The following EFCAB5 variants were observed in gnomAD, a reference collection of about 807,000 sequenced individuals.
EFCAB5 encodes the protein EF-hand calcium binding domain 5.
In EFCAB5, 131 loss-of-function variants were observed where a neutral mutation model predicts 167.9. The ratio of observed to expected loss-of-function variants is 0.78; its 90% confidence interval spans 0.68 to 0.90. The LOEUF is 0.90. EFCAB5 is among the 40% of genes least tolerant of loss of function. The probability of loss-of-function intolerance (pLI) is 0.00; values close to 1 mark genes in which losing one functional copy is unlikely to be tolerated. For missense variants in EFCAB5, 1,663 were observed against 1,745.2 expected (o/e 0.95, Z 0.84); for synonymous variants, 574 against 602.8 (o/e 0.95, Z 0.70).
chr17:29,962,444 A>G (rs2067738500), intron 3 of EFCAB5, among the ~76,000 whole-genome samples: 1 of 151,864 alleles, frequency 6.6e-6, no homozygotes, highest in Non-Finnish European at 1.5e-5. Flanking sequence ...AGCTGCTTTT[A>G]TAAATGGAAT....
intron 14 of EFCAB5, chr17:30,073,514 T>C: frequency 3.5e-6 from 2 of 571,748 alleles, no homozygotes; most frequent in African/African-American, 1.9e-5. Context: ...CCATCTCTCT[T>C]ATTTTTGATG....
At chr17:30,035,498 A>G (rs1293222947) in intron 8 of EFCAB5, among the ~76,000 whole-genome samples, 1 of 152,236 alleles carries the variant, frequency 6.6e-6, no homozygotes, top group African/African-American at 2.4e-5. Flanking sequence ...GACAGAAGAT[A>G]GAATAACAGG....
At chr17:29,962,924 G>A (rs144636595) in intron 3 of EFCAB5, among the ~76,000 whole-genome samples, 31 of 151,878 alleles carry the variant, frequency 2.0e-4, no homozygotes, top group Admixed American at 6.6e-4. Context: ...ACTGAGTGTC[G>A]TGTTAACTGT....
intron 14 of EFCAB5, among the ~76,000 whole-genome samples, chr17:30,077,695 G>A (rs2070896058): frequency 6.6e-6 from 1 of 152,238 alleles, no homozygotes; most frequent in Non-Finnish European, 1.5e-5. Flanking sequence ...CTTACGGGCA[G>A]ATGTGATTAG....
chr17:30,086,456 A>G (rs2071090222), intron 18 of EFCAB5, among the ~76,000 whole-genome samples: 1 of 152,120 alleles, frequency 6.6e-6, no homozygotes, highest in African/African-American at 2.4e-5. Flanking sequence ...CGAAGTGAAG[A>G]AAGTAAATTG....
chr17:30,043,040 G>A (rs2151756842), intron 8 of EFCAB5, among the ~76,000 whole-genome samples: 1 of 152,208 alleles, frequency 6.6e-6, no homozygotes, highest in Non-Finnish European at 1.5e-5. Flanking sequence ...AGCTAAGGAG[G>A]AGATTGAGGT....
intron 3 of EFCAB5, among the ~76,000 whole-genome samples, chr17:29,948,456 G>A (rs973321496): frequency 6.6e-6 from 1 of 151,828 alleles, no homozygotes; most frequent in South Asian, 2.1e-4. Context: ...AACACAATGC[G>A]GTGTACTTAT....
chr17:30,058,407 T>G (rs564564307), intron 13 of EFCAB5, among the ~76,000 whole-genome samples: 25 of 152,360 alleles, frequency 1.6e-4, no homozygotes, highest in African/African-American at 5.5e-4. Context: ...TTCACTAAGC[T>G]TATTCAGTAA....
In EFCAB5 at chr17:30,057,694, G is replaced by A; in HGVS notation, c.2384G>A (p.Arg795Lys). The change falls in exon 13 of 23, where the codon AGA becomes AAA. Residue 795 changes from arginine (R) to lysine (K), a missense_variant. Arg to Lys is a conservative substitution (Grantham distance 26). Transcript: ENST00000394835. Reference sequence around the variant, plus strand: ...TTGACAGATTTACACTCAATTATCAGAAATATTCAGTCTTGCAAGGAGGTA... The same window carrying A: ...TTGACAGATTTACACTCAATTATCAAAAATATTCAGTCTTGCAAGGAGGTA... ...SRFTDLHSII[R>K]NIQSCKEVKG... The A allele has an allele frequency of 6.2e-7, 1 of 1,613,022 alleles. No homozygotes were observed. Among genetic ancestry groups the A allele is most frequent in the Non-Finnish European group, 8.5e-7 (1 of 1,179,258 alleles).
chr17:29,971,366 A>G (rs949754747), intron 4 of EFCAB5, among the ~76,000 whole-genome samples: 2 of 152,094 alleles, frequency 1.3e-5, no homozygotes. Context: ...CAATTTTTAT[A>G]CTAATATCCT....
rs1451167113 is a variant in EFCAB5 at position 29,968,838 on chromosome 17, G to T, written c.238G>T (p.Asp80Tyr). 6.5e-7 allele frequency: 1 copy of T among 1,536,086 alleles called. No homozygotes were observed. The highest frequency in any genetic ancestry group is 2.4e-5 in the East Asian group (1 of 41,994). ...AAAAATTTCACCTGGTTCAATAAAGGACTCTAAAACTGAAGCCTCAGGTAA... is the reference window on the plus strand; with the variant it reads ...AAAAATTTCACCTGGTTCAATAAAGTACTCTAAAACTGAAGCCTCAGGTAA... ...QRKISPGSIKDSKTEASGNIA... is the reference protein window; with the variant it reads ...QRKISPGSIKYSKTEASGNIA... Residue 80 changes from aspartate (D) to tyrosine (Y), a missense_variant, in exon 4 of 23, where the codon GAC becomes TAC. Physicochemically the swap from Asp to Tyr is radical, Grantham distance 160 (BLOSUM62 -3). Coordinates refer to ENST00000394835, the MANE Select transcript of EFCAB5 (RefSeq NM_198529.4).
At chr17:29,972,203 A>AT (rs2079614087) in intron 4 of EFCAB5, among the ~76,000 whole-genome samples, 1 of 83,000 alleles carries the variant, frequency 1.2e-5, no homozygotes, top group Non-Finnish European at 2.8e-5. Flanking sequence ...ACGCCCGGCT[A>AT]ATTTTTTTTT....
Position 30,055,984 on chromosome 17 carries a change from C to G in EFCAB5, c.2272+19C>G. The G allele has an allele frequency of 6.2e-7, 1 of 1,613,346 alleles. No individual in the cohort carries two copies. The highest frequency in any genetic ancestry group is 1.1e-5 in the South Asian group (1 of 90,980). ...TGGTCAGGTAACTCCTCATTTAATCCTCCTTTCATTTATACCCTAGAACAA... is the reference window on the plus strand; with the variant it reads ...TGGTCAGGTAACTCCTCATTTAATCGTCCTTTCATTTATACCCTAGAACAA... On this transcript the variant is annotated intron_variant, in intron 11 of 22. Transcript: ENST00000394835.
upstream of EFCAB5, among the ~76,000 whole-genome samples, chr17:29,938,886 T>C (rs780172644): frequency 3.5e-4 from 54 of 152,224 alleles, no homozygotes; most frequent in Non-Finnish European, 6.9e-4. Flanking sequence ...AATCAACTTC[T>C]TCCAAACTCT....
Position 30,052,630 on chromosome 17 carries a change from C to T in EFCAB5, c.1301-625C>T, listed in dbSNP as rs543762189. Reference sequence around the variant, plus strand: ...GGGGACAGTCTTGTGGCATGATTTCCACTCTTTATAGTACAGACACCAGGG... The same window carrying T: ...GGGGACAGTCTTGTGGCATGATTTCTACTCTTTATAGTACAGACACCAGGG... On this transcript the variant is annotated intron_variant, in intron 9 of 22. Coordinates refer to ENST00000394835, the MANE Select transcript of EFCAB5 (RefSeq NM_198529.4). Among the ~76,000 whole-genome samples, 11 of 152,238 alleles carry T rather than the reference C, an allele frequency of 7.2e-5. No homozygotes were observed. In the South Asian group the frequency reaches 2.1e-3, roughly 29 times the overall value.
At chr17:30,087,779 A>G (rs772115001) in intron 19 of EFCAB5, among the ~76,000 whole-genome samples, 10 of 152,154 alleles carry the variant, frequency 6.6e-5, no homozygotes, top group Non-Finnish European at 1.3e-4. Flanking sequence ...TTTATAATAT[A>G]ATGATTTATA....
rs377033640 is a variant in EFCAB5, at chr17:30,080,249, C to T, written c.3197+8C>T. On this transcript the variant is annotated splice_region_variant and intron_variant, in intron 16 of 22. Transcript: ENST00000394835. ...GGACATGAAAGGAATCAGGTAAGAA[C>T]TTCTTGAAGAGATTGGTTTCACCCT... 3.2e-5 allele frequency: 49 copies of T among 1,553,208 alleles called. 1 individual carries two copies. In the African/African-American group the frequency reaches 6.2e-4, roughly 20 times the overall value.
chr17:30,021,715 T>G lies in EFCAB5; in HGVS notation c.1045-12515T>G, dbSNP rs534496912. Among the ~76,000 whole-genome samples, 3 of 152,146 alleles carry G rather than the reference T, an allele frequency of 2.0e-5. No homozygotes were observed. The South Asian group carries it at 6.2e-4, about 32-fold the overall frequency. On this transcript the variant is annotated intron_variant, in intron 7 of 22. Transcript: ENST00000394835. ...TTACATAGAAATATTTATTGAAAGT[T>G]TTTAGTTATCTCACCAACAAATCAT... is the stretch of plus-strand genomic sequence containing the variant.
intron 7 of EFCAB5, chr17:30,031,757 C>T (rs1453654773): frequency 6.6e-6 from 1 of 151,874 alleles, no homozygotes; most frequent in Non-Finnish European, 1.5e-5. Flanking sequence ...TACAGTGGCT[C>T]ATGCCTGTAA....
Sources: gnomAD v4.1 joint callset for allele counts (sites outside exome capture counted in the v4.1 genomes callset) on GRCh38, gnomAD v4.1.1 for gene constraint, MANE v1.5 for transcripts, NCBI Gene and HGNC (gene_info 2026-07-23, HGNC 2026-07-21) for gene names.